Variants in PHRF1 observed in about 807,000 individuals in gnomAD.
PHRF1 encodes the protein PHD and RING finger domain-containing protein 1.
In PHRF1, 53 loss-of-function variants were observed where a neutral mutation model predicts 128.9. The ratio of observed to expected loss-of-function variants is 0.41; its 90% CI spans 0.33 to 0.52. The LOEUF (loss-of-function observed/expected upper bound fraction) is 0.52. Ranked by LOEUF, PHRF1 falls within the 20% of genes least tolerant of loss-of-function variation. The pLI, the probability that PHRF1 is intolerant of heterozygous loss-of-function variation, is 0.21. For missense variants in PHRF1, 2,503 were observed against 2,284.5 expected, an observed-to-expected ratio of 1.10 and a Z score of -1.95; for synonymous variants, 1,178 against 980.6, an observed-to-expected ratio of 1.20 and a Z score of -3.76.
At position 607,307 on chromosome 11, in the gene PHRF1, A is replaced by G. The variant is rs777821788; in HGVS notation, c.1851A>G (p.Ser617=). The change falls in exon 14 of 18, where the codon TCA becomes TCG. Residue 617 remains serine (S), a synonymous_variant. Coordinates refer to ENST00000264555, the MANE Select transcript of PHRF1 (RefSeq NM_001286581.2). ...GGGCGGTTCAGGCTCGGAACTTGTC[A>G]AATGGGAGTGTGCCTGGCTTCAGAC... ...APGAVQARNL[S]NGSVPGFRQS... is the part of the protein sequence containing the mutation. 1.2e-6 allele frequency: 2 copies of G among 1,612,654 alleles called. No individual in the cohort carries two copies. Among genetic ancestry groups the G allele is most frequent in the South Asian group, 2.2e-5 (2 of 91,076 alleles).
chr11:580,206 G>A (rs1006330447), intron 1 of PHRF1, among the ~76,000 whole-genome samples: 12 of 152,168 alleles, frequency 7.9e-5, no homozygotes, highest in Admixed American at 3.3e-4. Flanking sequence ...TCCGAGAGTC[G>A]CCTGGGAAAC....
chr11:582,225 G>C, intron 3 of PHRF1, 144 bp downstream of exon 3: 2 of 1,244,934 alleles, frequency 1.6e-6, no homozygotes, highest in East Asian at 2.9e-5. Flanking sequence ...CTTATATTCA[G>C]CTGTGGTGAC....
intron 12 of PHRF1, 27 bp downstream of exon 12, chr11:605,751 A>G (rs1393535775): frequency 6.3e-7 from 1 of 1,586,762 alleles, no homozygotes; most frequent in East Asian, 2.2e-5. Flanking sequence ...GCTTCTGGGG[A>G]GGTGGGGGCA....
rs192050609 is a variant in PHRF1, at chr11:583,404, C to T, written c.214+1323C>T. On this transcript the variant is annotated intron_variant, in intron 3 of 17. Transcript: ENST00000264555. ...TGGTGGTGCGTGCCTGTAATCCCCA[C>T]TACTCAGGAGGCTGAGGTTGGAGGA... is the stretch of plus-strand genomic sequence containing the variant. 3.3e-3 allele frequency among the ~76,000 whole-genome samples: 496 copies of T among 151,990 alleles called. 2 individuals are homozygous for T. The highest frequency in any genetic ancestry group is 0.011 in the African/African-American group (462 of 41,448).
At chr11:576,735 G>C (rs1853856339) in intron 1 of PHRF1, 143 bp downstream of exon 1, 1 of 147,232 alleles carries the variant, frequency 6.8e-6, no homozygotes, top group Non-Finnish European at 1.5e-5. Context: ...GGGCGGGCGG[G>C]CGCGCGCGCG....
intron 5 of PHRF1, among the ~76,000 whole-genome samples, 167 bp downstream of exon 5, chr11:591,634 G>A (rs1224207456): frequency 1.3e-5 from 2 of 152,232 alleles, no homozygotes; most frequent in Non-Finnish European, 2.9e-5. Context: ...TGTCTGGGGG[G>A]TTTGGGGTCT....
At chr11:591,307 T>C in intron 4 of PHRF1, 77 bp from the exon 5 acceptor site, 11 of 1,307,664 alleles carry the variant, frequency 8.4e-6, no homozygotes, top group Non-Finnish European at 1.1e-5. Context: ...AGATACTTGA[T>C]TTTCAGTGTA....
intron 10 of PHRF1, among the ~76,000 whole-genome samples, chr11:604,010 T>A (rs1230045553): frequency 6.6e-6 from 1 of 152,162 alleles, no homozygotes; most frequent in Non-Finnish European, 1.5e-5. Flanking sequence ...GCCCTCTTAT[T>A]TTAGTTTTAA....
Position 610,945 on chromosome 11 carries a change from C to T in PHRF1, c.4678-9C>T, listed in dbSNP as rs184108923. 4.1e-5 allele frequency: 66 copies of T among 1,612,496 alleles called. No individual in the cohort carries two copies. The highest frequency in any genetic ancestry group is 5.5e-5 in the Non-Finnish European group (65 of 1,179,500). On this transcript the variant is annotated splice_polypyrimidine_tract_variant and intron_variant, in intron 16 of 17. Transcript: ENST00000264555. ...CTTCCTGGCCGCATCACACACATGT[C>T]CCCTCTAGTACATGAAGAAGCTGCA...
intron 1 of PHRF1, among the ~76,000 whole-genome samples, chr11:578,641 C>T (rs1854026231): frequency 6.6e-6 from 1 of 152,230 alleles, no homozygotes; most frequent in African/African-American, 2.4e-5. Flanking sequence ...CTATGGCTCA[C>T]TGCAGCCTCG....
At chr11:596,753 T>C (rs1855303026) in intron 6 of PHRF1, among the ~76,000 whole-genome samples, 170 bp from the exon 7 acceptor site, 2 of 152,154 alleles carry the variant, frequency 1.3e-5, no homozygotes, top group South Asian at 4.1e-4. Context: ...TGCTGTCACA[T>C]TGGGGGTTAG....
chr11:602,755 G>GTT (rs1564857878), intron 10 of PHRF1, among the ~76,000 whole-genome samples: 1 of 139,600 alleles, frequency 7.2e-6, no homozygotes, highest in Non-Finnish European at 1.5e-5. Context: ...TTTTGGTTTT[G>GTT]TTTTTGTTTT....
At chr11:588,359 A>G (rs1347294689) in intron 4 of PHRF1, among the ~76,000 whole-genome samples, 1 of 151,618 alleles carries the variant, frequency 6.6e-6, no homozygotes, top group African/African-American at 2.4e-5. Context: ...CACACAGTAG[A>G]TTCAGACTTA....
rs1856449546 is a variant in PHRF1 at position 612,159 on chromosome 11, C to G, written c.*382C>G. 1 of 317,088 alleles carries G rather than the reference C, an allele frequency of 3.2e-6. No homozygotes were observed. The highest frequency in any genetic ancestry group is 5.9e-6 in the Non-Finnish European group (1 of 170,498). The allele number at this position is 317,088 out of a possible 1,614,324, so 19.6% of individuals were successfully genotyped here. A position where few individuals can be genotyped will look rare whatever the true frequency, so the allele number is the denominator to read the frequency against. On this transcript the variant is annotated 3_prime_UTR_variant, in exon 18 of 18. Coordinates refer to ENST00000264555, the MANE Select transcript of PHRF1 (RefSeq NM_001286581.2). ...CCTTGATAAATCTCTAGGTGGCCTC[C>G]CGCCAACAGCTGCTGTGTACCTTTG...
chr11:589,581 G>GGAGA (rs34610235), intron 4 of PHRF1, among the ~76,000 whole-genome samples: 1 of 151,544 alleles, frequency 6.6e-6, no homozygotes, highest in Admixed American at 6.6e-5. Flanking sequence ...ACTCGGGGGG[G>GGAGA]CAGGAGGCGC....
Position 607,385 on chromosome 11 carries a change from C to G in PHRF1, c.1929C>G (p.Ala643=), listed in dbSNP as rs757242229. 3 of 1,612,844 alleles carry G rather than the reference C, an allele frequency of 1.9e-6. No homozygotes were observed. In the South Asian group the frequency reaches 3.3e-5, roughly 18 times the overall value. The stretch of plus-strand genomic sequence containing the variant: ...CCAACAAGCACACCTTGCCCCTTGC[C>G]TCTGCCGCGTCTAAGATCTCAAGCA... ...NGTNKHTLPL[A]SAASKISSRD... is the part of the protein sequence containing the mutation. Residue 643 remains alanine (A), a synonymous_variant, in exon 14 of 18, where the codon GCC becomes GCG. Transcript: ENST00000264555.
rs552021121 is a variant in PHRF1 at position 590,116 on chromosome 11, G to A, written c.421-1268G>A. Among the ~76,000 whole-genome samples, 15 of 152,324 alleles carry A rather than the reference G, an allele frequency of 9.8e-5. 1 individual carries two copies. Among genetic ancestry groups the A allele is most frequent in the African/African-American group, 3.1e-4 (13 of 41,580 alleles). The stretch of plus-strand genomic sequence containing the variant: ...CCTGAGAATGTGTGCAAACGGGCAC[G>A]GAGCGTGCAGGGTTCAGCAGCAGGG... On this transcript the variant is annotated intron_variant, in intron 4 of 17. Coordinates refer to ENST00000264555, the MANE Select transcript of PHRF1 (RefSeq NM_001286581.2).
intron 12 of PHRF1, 43 bp from the exon 13 acceptor site, chr11:606,399 C>A (rs7929316): frequency 3.3e-6 from 5 of 1,512,686 alleles, no homozygotes; most frequent in Non-Finnish European, 4.4e-6. Flanking sequence ...GCCCTCAGGC[C>A]GTGGGAGGCA....
chr11:592,490 G>A (rs998071175), intron 5 of PHRF1, 69 bp from the exon 6 acceptor site: 17 of 1,479,898 alleles, frequency 1.1e-5, no homozygotes, highest in African/African-American at 8.3e-5. Context: ...GATTAACTGC[G>A]TTTCACGCTG....
Sources: allele counts gnomAD v4.1 joint callset (sites outside exome capture counted in the v4.1 genomes callset), GRCh38; gene constraint gnomAD v4.1.1; transcripts MANE v1.5; gene names NCBI Gene and HGNC (gene_info 2026-07-23, HGNC 2026-07-21).